Variants in KIAA1217 observed in about 807,000 individuals in gnomAD.
KIAA1217 encodes the protein sickle tail protein homolog.
In KIAA1217, 88 loss-of-function variants were observed where a neutral mutation model predicts 163.9. That is an observed-to-expected ratio of 0.54 (90% CI 0.45 to 0.64). KIAA1217 has a LOEUF of 0.64. KIAA1217 is among the 30% of genes least tolerant of loss of function. The probability of loss-of-function intolerance (pLI) is 0.00; values close to 1 mark genes in which losing one functional copy is unlikely to be tolerated. For synonymous variants in KIAA1217, 903 were observed against 923.1 expected, an observed-to-expected ratio of 0.98 and a Z score of 0.39; for missense variants, 2,372 against 2,475.0, an observed-to-expected ratio of 0.96 and a Z score of 0.88.
At chr10:24,248,670 C>CAAAA (rs929995548) in intron 2 of KIAA1217, among the ~76,000 whole-genome samples, 2,791 of 36,458 alleles carry the variant, frequency 0.077, 252 homozygotes, top group East Asian at 0.16. Context: ...GACTCCATCT[C>CAAAA]AAAAAAAAAA....
At chr10:23,714,858 T>A (rs12356662) in intron 1 of KIAA1217, among the ~76,000 whole-genome samples, 39,955 of 151,808 alleles carry the variant, frequency 0.26, 6,285 homozygotes, top group African/African-American at 0.43. Flanking sequence ...GACAGGTAGA[T>A]CTCCTCACCA....
intron 1 of KIAA1217, among the ~76,000 whole-genome samples, chr10:23,727,151 C>A (rs1838203880): frequency 6.6e-6 from 1 of 151,864 alleles, no homozygotes; most frequent in African/African-American, 2.4e-5. Flanking sequence ...CCAAGCCTGG[C>A]TGCTTTTTTT....
chr10:24,007,927 C>T (rs1214697819), intron 2 of KIAA1217, among the ~76,000 whole-genome samples: 1 of 152,164 alleles, frequency 6.6e-6, no homozygotes, highest in Admixed American at 6.6e-5. Flanking sequence ...CCAAATCAGC[C>T]TACATGAGTG....
intron 2 of KIAA1217, among the ~76,000 whole-genome samples, chr10:24,028,013 G>A (rs1158526216): frequency 6.6e-6 from 1 of 152,102 alleles, no homozygotes. Context: ...AGGAATACAT[G>A]AGTTAACATG....
intron 2 of KIAA1217, among the ~76,000 whole-genome samples, chr10:24,020,518 T>G (rs1847687844): frequency 6.6e-6 from 1 of 152,074 alleles, no homozygotes; most frequent in Non-Finnish European, 1.5e-5. Flanking sequence ...CAGCCATGGC[T>G]GATTGGGAAG....
At position 24,482,027 on chromosome 10, in the gene KIAA1217, A is replaced by G. The variant is rs945059322; in HGVS notation, c.1679+7967A>G. 3 of 152,216 alleles carry G rather than the reference A, an allele frequency of 2.0e-5. No homozygotes were observed. In the South Asian group the frequency reaches 6.2e-4, roughly 31 times the overall value. 9.4% of individuals were successfully genotyped at this position (152,216 alleles called of 1,614,324 possible). On this transcript the variant is annotated intron_variant, in intron 6 of 20. Transcript: ENST00000376454. The stretch of plus-strand genomic sequence containing the variant: ...ATTTCGTTCACAGGAGTGGAATTTC[A>G]TGGTTAAGTCATATTTGCTAGTTAT...
intron 2 of KIAA1217, among the ~76,000 whole-genome samples, chr10:24,340,499 C>T (rs988936508): frequency 6.6e-6 from 1 of 152,072 alleles, no homozygotes; most frequent in African/African-American, 2.4e-5. Flanking sequence ...ACCTTTTTTT[C>T]TTTAGAAATT....
At chr10:24,156,240 C>T (rs970987148) in intron 2 of KIAA1217, among the ~76,000 whole-genome samples, 12 of 152,006 alleles carry the variant, frequency 7.9e-5, no homozygotes, top group Admixed American at 4.6e-4. Flanking sequence ...TTTTTGTCTC[C>T]CTTTTTCAAC....
intron 1 of KIAA1217, among the ~76,000 whole-genome samples, chr10:23,801,140 C>A (rs1836448901): frequency 6.6e-6 from 1 of 152,128 alleles, no homozygotes; most frequent in Admixed American, 6.5e-5. Flanking sequence ...GAATACTATG[C>A]AGCCATAAAA....
intron 2 of KIAA1217, among the ~76,000 whole-genome samples, chr10:24,294,710 C>T (rs1267352670): frequency 2.6e-5 from 4 of 152,262 alleles, no homozygotes; most frequent in East Asian, 3.9e-4. Context: ...TAGAAAGGAA[C>T]GTGGAAACTT....
chr10:23,729,576 T>G (rs1313310847), intron 1 of KIAA1217, among the ~76,000 whole-genome samples: 1 of 152,200 alleles, frequency 6.6e-6, no homozygotes, highest in Non-Finnish European at 1.5e-5. Flanking sequence ...TTCATATATC[T>G]ATATTACTTC....
intron 2 of KIAA1217, among the ~76,000 whole-genome samples, chr10:24,051,773 G>A (rs576898486): frequency 8.6e-4 from 131 of 152,158 alleles, no homozygotes; most frequent in African/African-American, 3.0e-3. Flanking sequence ...GTCTATTCAT[G>A]TCCTTTGCCC....
intron 1 of KIAA1217, among the ~76,000 whole-genome samples, chr10:23,923,850 T>C (rs1396860464): frequency 6.6e-6 from 1 of 152,218 alleles, no homozygotes; most frequent in Non-Finnish European, 1.5e-5. Context: ...TATTGAAAAT[T>C]TTAAATTGGA....
chr10:23,831,272 T>G (rs1402626854), intron 1 of KIAA1217, among the ~76,000 whole-genome samples: 7 of 148,088 alleles, frequency 4.7e-5, no homozygotes, highest in African/African-American at 1.8e-4. Flanking sequence ...TACATGAAAC[T>G]GAAAAGCTTT....
intron 2 of KIAA1217, among the ~76,000 whole-genome samples, chr10:24,289,887 G>A (rs1277406096): frequency 2.0e-5 from 3 of 152,168 alleles, no homozygotes; most frequent in African/African-American, 7.2e-5. Context: ...GCAAGTGCTA[G>A]ATCATGGCAC....
chr10:24,208,240 G>T (rs984511306), upstream of KIAA1217, among the ~76,000 whole-genome samples: 9 of 151,784 alleles, frequency 5.9e-5, no homozygotes, highest in Non-Finnish European at 8.8e-5. Flanking sequence ...AAAAGGAGAA[G>T]TATGTTGGTT....
At chr10:24,039,454 G>A (rs999817126) in intron 2 of KIAA1217, among the ~76,000 whole-genome samples, 1 of 152,110 alleles carries the variant, frequency 6.6e-6, no homozygotes, top group Non-Finnish European at 1.5e-5. Flanking sequence ...CTGGGCAGCA[G>A]CAGTGAGCCA....
chr10:23,887,429 G>A (rs1407455835), intron 1 of KIAA1217, among the ~76,000 whole-genome samples: 1 of 151,824 alleles, frequency 6.6e-6, no homozygotes, highest in East Asian at 2.0e-4. Context: ...ACAGCTATAG[G>A]CGACCATTAG....
intron 8 of KIAA1217, among the ~76,000 whole-genome samples, chr10:24,499,993 G>C (rs569810172): frequency 2.6e-5 from 4 of 152,284 alleles, no homozygotes; most frequent in Admixed American, 2.6e-4. Context: ...GCCACTTTGA[G>C]CTCCACTGGG....
Sources: allele counts gnomAD v4.1 joint callset (sites outside exome capture counted in the v4.1 genomes callset), GRCh38; gene constraint gnomAD v4.1.1; transcripts MANE v1.5; gene names NCBI Gene and HGNC (gene_info 2026-07-23, HGNC 2026-07-21).